The following DAZAP1 variants were observed in gnomAD, a reference collection of about 807,000 sequenced individuals.
DAZAP1 encodes DAZ associated protein 1, also known as DAZ-associated protein 1.
Under a neutral mutation model 60.1 loss-of-function variants are expected in DAZAP1, and 6 were observed. That is an observed-to-expected ratio of 0.10 (90% CI 0.05 to 0.20). The LOEUF (loss-of-function observed/expected upper bound fraction) is 0.20. DAZAP1 is among the 10% of genes least tolerant of loss of function. DAZAP1 has a pLI of 1.00. For missense variants in DAZAP1, 366 were observed against 560.4 expected (o/e 0.65, Z 3.50); for synonymous variants, 235 against 215.9 (o/e 1.09, Z -0.78).
At position 1,422,214 on chromosome 19, in the gene DAZAP1, C is replaced by T; in HGVS notation, c.415-134C>T. On this transcript the variant is annotated intron_variant, in intron 5 of 11. Transcript: ENST00000233078. The surrounding 1 kb of genome is among the most constrained non-coding windows in gnomAD (Gnocchi z 4.5). ...CAGCAGCCCCACGGAGCAGCTGTTG[C>T]CCGTGCACCTCCCCCGCTCAGGGAG... is the stretch of plus-strand genomic sequence containing the variant. 2 of 743,314 alleles carry T rather than the reference C, an allele frequency of 2.7e-6. No individual in the cohort carries two copies. The highest frequency in any genetic ancestry group is 2.6e-5 in the East Asian group (1 of 38,150). 46.0% of individuals were successfully genotyped at this position (743,314 alleles called of 1,614,324 possible).
chr19:1,424,230 G>T (rs531058174), intron 6 of DAZAP1, among the ~76,000 whole-genome samples: 1 of 152,034 alleles, frequency 6.6e-6, no homozygotes, highest in East Asian at 1.9e-4. Flanking sequence ...TCCAGCCGCT[G>T]CCTCGTTCGC....
rs1050249852 is a variant in DAZAP1 at position 1,422,196 on chromosome 19, C to T, written c.415-152C>T. The T allele has an allele frequency of 1.5e-5, 10 of 665,966 alleles. No homozygotes were observed. Among genetic ancestry groups the T allele is most frequent in the Non-Finnish European group, 2.4e-5 (9 of 379,480 alleles). 41.3% of individuals were successfully genotyped at this position (665,966 alleles called of 1,614,324 possible). On this transcript the variant is annotated intron_variant, in intron 5 of 11. Transcript: ENST00000233078. This position sits in a 1 kb window ranked among gnomAD's most constrained non-coding sequence, Gnocchi z 4.5. ...GCTCCAGCCTTTCTCAGACAGCAGCCCCACGGAGCAGCTGTTGCCCGTGCA... is the reference window on the plus strand; with the variant it reads ...GCTCCAGCCTTTCTCAGACAGCAGCTCCACGGAGCAGCTGTTGCCCGTGCA...
At chr19:1,427,041 C>T (rs2083321261) in intron 7 of DAZAP1, 2 of 152,196 alleles carry the variant, frequency 1.3e-5, no homozygotes, top group Admixed American at 1.3e-4. Flanking sequence ...TTTGTATACA[C>T]GTGGCTTAGA....
chr19:1,424,199 G>A (rs1329308476), intron 6 of DAZAP1, among the ~76,000 whole-genome samples: 4 of 151,928 alleles, frequency 2.6e-5, no homozygotes, highest in Non-Finnish European at 4.4e-5. Flanking sequence ...GCCCTCCCAC[G>A]TCTACCCTCG....
chr19:1,420,734 T>C (rs1351396945), intron 4 of DAZAP1, among the ~76,000 whole-genome samples: 2 of 152,244 alleles, frequency 1.3e-5, no homozygotes, highest in East Asian at 1.9e-4. Context: ...CATTGTCACC[T>C]GCTGGAGATG....
chr19:1,430,492 G>A, intron 10 of DAZAP1, 130 bp downstream of exon 10: 2 of 824,484 alleles, frequency 2.4e-6, no homozygotes, highest in Non-Finnish European at 1.8e-6. Flanking sequence ...CTGGTCAGCA[G>A]GTCACCTGCC....
At chr19:1,419,401 G>A (rs2083080622) in intron 4 of DAZAP1, among the ~76,000 whole-genome samples, 1 of 152,198 alleles carries the variant, frequency 6.6e-6, no homozygotes, top group African/African-American at 2.4e-5. Flanking sequence ...CACAGTGTGG[G>A]CAGCAGGGTG....
chr19:1,430,569 C>T (rs186876172), intron 10 of DAZAP1, among the ~76,000 whole-genome samples: 1 of 152,192 alleles, frequency 6.6e-6, no homozygotes, highest in Non-Finnish European at 1.5e-5. Context: ...AAAGGGCAGC[C>T]CGGGCTCCTG....
intron 5 of DAZAP1, 87 bp downstream of exon 5, chr19:1,421,345 C>T: frequency 8.4e-7 from 1 of 1,186,436 alleles, no homozygotes; most frequent in South Asian, 1.3e-5. Flanking sequence ...AGTGGCCGAG[C>T]CACAGGTGCA....
chr19:1,434,730 C>T lies in DAZAP1; in HGVS notation c.1049-7C>T, dbSNP rs750975077. The T allele has an allele frequency of 2.5e-6, 4 of 1,610,944 alleles. No individual in the cohort carries two copies. The highest frequency in any genetic ancestry group is 2.5e-6 in the Non-Finnish European group (3 of 1,178,794). ...CCGCCCCGAGCTCACAGGACTTTCT[C>T]CCCCAGCAGGTTACGGGCAGGACTT... On this transcript the variant is annotated splice_region_variant and splice_polypyrimidine_tract_variant and intron_variant, in intron 11 of 11. Coordinates refer to ENST00000233078, the MANE Select transcript of DAZAP1 (RefSeq NM_018959.4). This position sits in a 1 kb window ranked among gnomAD's most constrained non-coding sequence, Gnocchi z 8.0.
chr19:1,414,753 GTATT>G (rs138169673), intron 1 of DAZAP1, among the ~76,000 whole-genome samples: 4,373 of 151,608 alleles, frequency 0.029, 239 homozygotes, highest in African/African-American at 0.1. Context: ...AATTGAGAAA[GTATT>G]TATTATTTTT....
At chr19:1,420,622 A>G (rs1043915911) in intron 4 of DAZAP1, among the ~76,000 whole-genome samples, 2 of 152,240 alleles carry the variant, frequency 1.3e-5, no homozygotes, top group South Asian at 2.1e-4. Context: ...AGTGGTGCCC[A>G]GGAGCAGGCG....
chr19:1,432,898 C>G lies in DAZAP1; in HGVS notation c.1048+208C>G. On this transcript the variant is annotated intron_variant, in intron 11 of 11. Coordinates refer to ENST00000233078, the MANE Select transcript of DAZAP1 (RefSeq NM_018959.4). This position sits in a 1 kb window ranked among gnomAD's most constrained non-coding sequence, Gnocchi z 4.9. Reference sequence around the variant, plus strand: ...AGGGAGCGTGGGAGTCTTGTCGCAGCAGAGCACTCGTCATACAGCAGGTGC... The same window carrying G: ...AGGGAGCGTGGGAGTCTTGTCGCAGGAGAGCACTCGTCATACAGCAGGTGC... The G allele has an allele frequency of 1.7e-6, 1 of 590,774 alleles. No individual in the cohort carries two copies. The highest frequency in any genetic ancestry group is 3.0e-6 in the Non-Finnish European group (1 of 337,556). The allele number at this position is 590,774 out of a possible 1,614,324, so 36.6% of individuals were successfully genotyped here.
At chr19:1,417,109 G>T in intron 1 of DAZAP1, 1 of 248,086 alleles carries the variant, frequency 4.0e-6, no homozygotes, top group Non-Finnish European at 7.9e-6. Flanking sequence ...TTCAGATGTA[G>T]ACTTCTACAT....
chr19:1,429,032 C>T (rs2083374400), intron 8 of DAZAP1, 37 bp downstream of exon 8: 2 of 1,538,808 alleles, frequency 1.3e-6, no homozygotes, highest in East Asian at 2.3e-5. Flanking sequence ...GGAATGTCCC[C>T]CTTCTCGGAC....
rs1270526563 is a variant in DAZAP1 at position 1,418,457 on chromosome 19, T to C, written c.237+87T>C. ...TTTTTTCCTGGACTCTGACCGATGT[T>C]TGCGTTAGAGTATGTTTGAACGTGG... On this transcript the variant is annotated intron_variant, in intron 3 of 11. Coordinates refer to ENST00000233078, the MANE Select transcript of DAZAP1 (RefSeq NM_018959.4). The surrounding 1 kb of genome is among the most constrained non-coding windows in gnomAD (Gnocchi z 5.7). 1.3e-6 allele frequency: 2 copies of C among 1,532,840 alleles called. No individual in the cohort carries two copies. The highest frequency in any genetic ancestry group is 1.7e-5 in the Admixed American group (1 of 58,442). 95.0% of individuals were successfully genotyped at this position (1,532,840 alleles called of 1,614,324 possible).
In DAZAP1 at chr19:1,424,737, C is replaced by T. The variant is rs116708769; in HGVS notation, c.464-1141C>T. On this transcript the variant is annotated intron_variant, in intron 6 of 11. Transcript: ENST00000233078. ...TGTCACGCACCCTGTGCCTCTGGCGCGGGCAGCCCATCTTCAGCCCGGTCT... is the reference window on the plus strand; with the variant it reads ...TGTCACGCACCCTGTGCCTCTGGCGTGGGCAGCCCATCTTCAGCCCGGTCT... Among the ~76,000 whole-genome samples, 858 of 152,316 alleles carry T rather than the reference C, an allele frequency of 5.6e-3. 7 individuals carry two copies. The highest frequency in any genetic ancestry group is 0.019 in the African/African-American group (800 of 41,580).
At chr19:1,417,244 C>CA (rs1471897440) in intron 1 of DAZAP1, 1 of 533,732 alleles carries the variant, frequency 1.9e-6, no homozygotes, top group Non-Finnish European at 3.3e-6. Flanking sequence ...CATCGCCCGC[C>CA]ACGCATGAGG....
intron 4 of DAZAP1, among the ~76,000 whole-genome samples, chr19:1,420,563 A>G (rs889661685): frequency 6.6e-6 from 1 of 151,446 alleles, no homozygotes; most frequent in East Asian, 1.9e-4. Flanking sequence ...CGGGAGCTGG[A>G]CCAGAGACTC....
Sources: allele counts gnomAD v4.1 joint callset (sites outside exome capture counted in the v4.1 genomes callset), GRCh38; gene constraint gnomAD v4.1.1; non-coding constraint Gnocchi (gnomAD v3.1); transcripts MANE v1.5; gene names NCBI Gene and HGNC (gene_info 2026-07-23, HGNC 2026-07-21).